INPP5B: variants seen among roughly 807,000 people sequenced by gnomAD.
The protein encoded by INPP5B is inositol polyphosphate-5-phosphatase B, also known as type II inositol 1,4,5-trisphosphate 5-phosphatase.
A neutral mutation model predicts 118.5 loss-of-function variants in INPP5B; 90 were observed. That is an observed-to-expected ratio of 0.76 (90% CI 0.64 to 0.90). The LOEUF is 0.90. INPP5B is among the 40% of genes least tolerant of loss of function. INPP5B has a pLI of 0.00. For missense variants in INPP5B, 984 were observed against 1,125.6 expected, an observed-to-expected ratio of 0.87 and a Z score of 1.80; for synonymous variants, 385 against 418.9, an observed-to-expected ratio of 0.92 and a Z score of 0.99.
At chr1:37,904,358 C>T (rs909285880) in intron 7 of INPP5B, among the ~76,000 whole-genome samples, 1 of 151,732 alleles carries the variant, frequency 6.6e-6, no homozygotes, top group Non-Finnish European at 1.5e-5. Context: ...TAAGAAGTCA[C>T]GGGAATGTGG....
At chr1:37,901,045 G>A (rs1217848139) in intron 7 of INPP5B, among the ~76,000 whole-genome samples, 2 of 151,656 alleles carry the variant, frequency 1.3e-5, no homozygotes, top group African/African-American at 4.8e-5. Flanking sequence ...CTCCTGACTT[G>A]GTGATCCGCC....
At chr1:37,895,977 G>C (rs952364064) in intron 7 of INPP5B, among the ~76,000 whole-genome samples, 1 of 147,426 alleles carries the variant, frequency 6.8e-6, no homozygotes, top group African/African-American at 2.5e-5. Context: ...GCCGCCCATC[G>C]TCTGGGATGT....
intron 7 of INPP5B, among the ~76,000 whole-genome samples, chr1:37,919,657 G>A (rs1644986580): frequency 6.6e-6 from 1 of 152,192 alleles, no homozygotes; most frequent in African/African-American, 2.4e-5. Flanking sequence ...TACTTGGCCA[G>A]CAGTGGTTCA....
chr1:37,944,592 T>C (rs1037017859), intron 3 of INPP5B, among the ~76,000 whole-genome samples: 1 of 148,722 alleles, frequency 6.7e-6, no homozygotes, highest in Non-Finnish European at 1.5e-5. Context: ...TCGTTTTTTT[T>C]TTCTTGTTTT....
At chr1:37,924,539 G>A (rs1645160425) in intron 7 of INPP5B, among the ~76,000 whole-genome samples, 2 of 152,082 alleles carry the variant, frequency 1.3e-5, no homozygotes, top group Admixed American at 6.5e-5. Flanking sequence ...CTTAAGTCCT[G>A]TGTGACTTTC....
At chr1:37,888,795 GA>G (rs773224861) in intron 9 of INPP5B, among the ~76,000 whole-genome samples, 1 of 152,178 alleles carries the variant, frequency 6.6e-6, no homozygotes, top group Non-Finnish European at 1.5e-5. Context: ...CAACGATTTT[GA>G]AAGATCTAGC....
intron 7 of INPP5B, chr1:37,931,307 C>A: frequency 4.3e-6 from 3 of 704,852 alleles, no homozygotes; most frequent in Middle Eastern, 3.3e-4. Context: ...ACCACTCCCC[C>A]ACCCGCCCCA....
At chr1:37,885,256 TA>T (rs1643454856) in intron 13 of INPP5B, 1 of 157,466 alleles carries the variant, frequency 6.4e-6, no homozygotes, top group Non-Finnish European at 1.4e-5. Flanking sequence ...CACTAAAAAA[TA>T]CAAAAAATTA....
At position 37,938,911 on chromosome 1, in the gene INPP5B, A is replaced by T. The variant is rs535599601; in HGVS notation, c.391+1777T>A. Among the ~76,000 whole-genome samples the T allele has an allele frequency of 8.6e-5, 13 of 151,812 alleles. No individual in the cohort carries two copies. In the East Asian group the frequency reaches 2.5e-3, roughly 29 times the overall value. The stretch of plus-strand genomic sequence containing the variant: ...GTCTCTACTGAAAATACAAAAAATT[A>T]TGCTGGGTGTGGTGGCTCATGCCTG... On this transcript the variant is annotated intron_variant, in intron 6 of 23. Coordinates refer to ENST00000373024, the MANE Select transcript of INPP5B (RefSeq NM_005540.3).
At chr1:37,931,736 C>T (rs747840541) in intron 7 of INPP5B, 177 bp downstream of exon 7, 9 of 1,591,142 alleles carry the variant, frequency 5.7e-6, no homozygotes, top group African/African-American at 4.0e-5. Context: ...TCCTCAAGCT[C>T]CTCATCCCGC....
chr1:37,895,851 C>T (rs1411364792), intron 7 of INPP5B, among the ~76,000 whole-genome samples: 1 of 152,146 alleles, frequency 6.6e-6, no homozygotes, highest in Non-Finnish European at 1.5e-5. Context: ...GTGGCGTGAT[C>T]TCGGCTCGCT....
At position 37,878,207 on chromosome 1, in the gene INPP5B, C is replaced by G. The variant is rs1356925885; in HGVS notation, c.1658G>C (p.Ser553Thr). ...ALKTSDHKPV[S>T]SVFDIGVRVV... ...ACCTACCCCGATGTCAAACACTGAG[C>G]TGACAGGCTTGTGGTCACTGGTCTT... Residue 553 changes from serine to threonine, a missense_variant, in exon 16 of 24, where the codon AGC becomes ACC. Coordinates refer to ENST00000373024, the MANE Select transcript of INPP5B (RefSeq NM_005540.3). 4 of 1,614,134 alleles carry G rather than the reference C, an allele frequency of 2.5e-6. No individual in the cohort carries two copies. The Admixed American group carries it at 6.7e-5, about 27-fold the overall frequency.
intron 11 of INPP5B, among the ~76,000 whole-genome samples, 172 bp downstream of exon 11, chr1:37,887,179 G>A (rs776604054): frequency 6.6e-6 from 1 of 152,118 alleles, no homozygotes; most frequent in East Asian, 1.9e-4. Context: ...TACGAGTGGC[G>A]AGACCCTGCA....
intron 7 of INPP5B, among the ~76,000 whole-genome samples, chr1:37,925,837 A>G (rs998887709): frequency 1.3e-5 from 2 of 152,164 alleles, no homozygotes; most frequent in Non-Finnish European, 2.9e-5. Flanking sequence ...AAAGAAGGAA[A>G]ATGGAGAGGG....
rs34515092 is a variant in INPP5B, at chr1:37,926,299, C to CTT, written c.532+5612_532+5613dup. ...GAGTTACTACAAAGCTGGTTCATTT[C>CTT]TTTTTTTTTTTGAGACGGAGTCTCA... On this transcript the variant is annotated intron_variant, in intron 7 of 23. Coordinates refer to ENST00000373024, the MANE Select transcript of INPP5B (RefSeq NM_005540.3). 2.1e-3 allele frequency among the ~76,000 whole-genome samples: 312 copies of CTT among 149,514 alleles called. 1 individual carries two copies. Among genetic ancestry groups the CTT allele is most frequent in the African/African-American group, 5.5e-3 (225 of 40,792 alleles).
At chr1:37,913,045 C>G (rs1023646325) in intron 7 of INPP5B, among the ~76,000 whole-genome samples, 6 of 151,706 alleles carry the variant, frequency 4.0e-5, no homozygotes, top group Admixed American at 3.3e-4. Context: ...ATCACGAGGT[C>G]AGGAGATCGA....
intron 7 of INPP5B, among the ~76,000 whole-genome samples, chr1:37,902,326 C>A (rs1010389353): frequency 1.3e-5 from 2 of 152,110 alleles, no homozygotes; most frequent in African/African-American, 4.8e-5. Flanking sequence ...TTCTCTATCC[C>A]TACTGTCATG....
intron 7 of INPP5B, among the ~76,000 whole-genome samples, chr1:37,909,118 T>G (rs938888891): frequency 6.6e-6 from 1 of 152,188 alleles, no homozygotes; most frequent in Non-Finnish European, 1.5e-5. Context: ...ATTCTTGTCA[T>G]AAAATGGGCA....
At chr1:37,876,222 G>GC (rs1459664601) in intron 16 of INPP5B, among the ~76,000 whole-genome samples, 1 of 150,864 alleles carries the variant, frequency 6.6e-6, no homozygotes, top group African/African-American at 2.4e-5. Context: ...TCCTACCTCA[G>GC]CCCCCCAAGT....
Sources: gnomAD v4.1 joint callset for allele counts (sites outside exome capture counted in the v4.1 genomes callset) on GRCh38, gnomAD v4.1.1 for gene constraint, MANE v1.5 for transcripts, NCBI Gene and HGNC (gene_info 2026-07-23, HGNC 2026-07-21) for gene names.